XYLT1: variants seen among roughly 807,000 people sequenced by gnomAD.
XYLT1 encodes beta-D-xylosyltransferase 1.
A neutral mutation model predicts 91.3 loss-of-function variants in XYLT1; 36 were observed. The observed-to-expected ratio is 0.39, with a 90% confidence interval of 0.30 to 0.52. The LOEUF is 0.52. XYLT1 is among the 20% of genes least tolerant of loss of function. The probability of loss-of-function intolerance (pLI) is 0.68; values close to 1 mark genes in which losing one functional copy is unlikely to be tolerated. For synonymous variants in XYLT1, 588 were observed against 532.0 expected (o/e 1.11, Z -1.45); for missense variants, 1,242 against 1,284.5 (o/e 0.97, Z 0.51).
intron 1 of XYLT1, among the ~76,000 whole-genome samples, chr16:17,422,495 G>A (rs938233062): frequency 1.3e-5 from 2 of 151,270 alleles, no homozygotes; most frequent in Non-Finnish European, 2.9e-5. Context: ...CACTGTGCCT[G>A]GCCCACAAAT....
intron 2 of XYLT1, among the ~76,000 whole-genome samples, chr16:17,281,220 G>C (rs144851843): frequency 3.2e-4 from 49 of 152,302 alleles, no homozygotes; most frequent in African/African-American, 1.1e-3. Context: ...GCAGGCATCA[G>C]AGCCCCAGTG....
rs142769949 is a variant in XYLT1, at chr16:17,176,548, G to A, written c.1290-17639C>T. 2.6e-5 allele frequency among the ~76,000 whole-genome samples: 4 copies of A among 152,356 alleles called. No homozygotes were observed. In the East Asian group the frequency reaches 7.7e-4, roughly 29 times the overall value. On this transcript the variant is annotated intron_variant, in intron 5 of 11. Transcript: ENST00000261381. The stretch of plus-strand genomic sequence containing the variant: ...TTCAACCGCTTTGCTGCACTGGCCT[G>A]AGGGCCTGAGCCCTGGAAAATTCCT...
chr16:17,264,346 T>C (rs544421964), intron 2 of XYLT1, among the ~76,000 whole-genome samples: 12 of 152,368 alleles, frequency 7.9e-5, no homozygotes, highest in African/African-American at 2.6e-4. Flanking sequence ...CTTCTGTGAC[T>C]GGTTTCTTTC....
chr16:17,228,249 G>A (rs1374085776), intron 3 of XYLT1, among the ~76,000 whole-genome samples: 2 of 152,160 alleles, frequency 1.3e-5, no homozygotes, highest in Non-Finnish European at 2.9e-5. Context: ...AGGCATTCCC[G>A]ATTGACAGGA....
At chr16:17,134,425 C>G (rs778991669) in intron 9 of XYLT1, 48 bp downstream of exon 9, 3 of 1,603,336 alleles carry the variant, frequency 1.9e-6, no homozygotes, top group African/African-American at 1.3e-5. Context: ...CCCTGAGCCT[C>G]CCCTCCTGCT....
rs576946625 is a variant in XYLT1, at chr16:17,449,416, C to T, written c.363+21018G>A. Among the ~76,000 whole-genome samples the T allele has an allele frequency of 4.6e-5, 7 of 152,330 alleles. No individual in the cohort carries two copies. The East Asian group carries it at 5.8e-4, about 13-fold the overall frequency. Reference sequence around the variant, plus strand: ...CTGTGGACACTTCCCCTATGGGCTGCGGGGACGGGGCAGGCCCAGCACCTG... The same window carrying T: ...CTGTGGACACTTCCCCTATGGGCTGTGGGGACGGGGCAGGCCCAGCACCTG... On this transcript the variant is annotated intron_variant, in intron 1 of 11. Transcript: ENST00000261381.
chr16:17,205,604 A>T (rs1364203222), intron 3 of XYLT1, among the ~76,000 whole-genome samples: 1 of 152,210 alleles, frequency 6.6e-6, no homozygotes, highest in East Asian at 1.9e-4. Flanking sequence ...ATACTGTCAT[A>T]GCCATCATTT....
At chr16:17,258,479 AAAG>A (rs1477092314) in intron 3 of XYLT1, among the ~76,000 whole-genome samples, 2 of 152,030 alleles carry the variant, frequency 1.3e-5, no homozygotes, top group African/African-American at 2.4e-5. Flanking sequence ...AATGAGAAGG[AAAG>A]AAGGAGGGAA....
chr16:17,299,787 G>A (rs978756099), intron 2 of XYLT1, among the ~76,000 whole-genome samples: 22 of 152,148 alleles, frequency 1.4e-4, no homozygotes, highest in African/African-American at 5.3e-4. Flanking sequence ...AGACTGGTTC[G>A]AGTTCTTAGA....
intron 3 of XYLT1, among the ~76,000 whole-genome samples, chr16:17,217,240 C>G (rs2032877553): frequency 6.6e-6 from 1 of 152,146 alleles, no homozygotes; most frequent in Non-Finnish European, 1.5e-5. Context: ...TGGGAGAAAA[C>G]CAAGGAGGAC....
At chr16:17,251,526 C>G (rs2033538015) in intron 3 of XYLT1, 1 of 152,204 alleles carries the variant, frequency 6.6e-6, no homozygotes, top group Non-Finnish European at 1.5e-5. Context: ...CCAGACCCAG[C>G]AAAGGGGAAG....
intron 3 of XYLT1, among the ~76,000 whole-genome samples, chr16:17,249,401 AG>A (rs2033499539): frequency 6.6e-6 from 1 of 152,210 alleles, no homozygotes; most frequent in Non-Finnish European, 1.5e-5. Context: ...GGCAAGACTG[AG>A]GATTATGATG....
chr16:17,142,911 A>C (rs1413196310), intron 6 of XYLT1, among the ~76,000 whole-genome samples: 2 of 152,170 alleles, frequency 1.3e-5, no homozygotes, highest in African/African-American at 4.8e-5. Flanking sequence ...TTCAGTTAGA[A>C]TTCCATTAAA....
chr16:17,220,937 A>G (rs952802074), intron 3 of XYLT1, among the ~76,000 whole-genome samples: 2 of 152,200 alleles, frequency 1.3e-5, no homozygotes, highest in Admixed American at 6.5e-5. Flanking sequence ...TTGGAGGTAC[A>G]TGAAAATGTG....
chr16:17,133,237 C>T (rs146485837), intron 9 of XYLT1, among the ~76,000 whole-genome samples: 1 of 152,140 alleles, frequency 6.6e-6, no homozygotes, highest in African/African-American at 2.4e-5. Context: ...GGAAACCTGC[C>T]TGTGTTTTCA....
At chr16:17,180,555 A>G (rs2032045396) in intron 5 of XYLT1, among the ~76,000 whole-genome samples, 1 of 152,216 alleles carries the variant, frequency 6.6e-6, no homozygotes, top group African/African-American at 2.4e-5. Flanking sequence ...TGGAGGAGAA[A>G]GGACATAGGA....
At chr16:17,160,063 G>A (rs554404263) in intron 5 of XYLT1, among the ~76,000 whole-genome samples, 5 of 152,364 alleles carry the variant, frequency 3.3e-5, no homozygotes, top group African/African-American at 1.2e-4. Flanking sequence ...AGACCTTCGA[G>A]AAGCAGGACA....
chr16:17,140,518 G>A (rs2030937185), intron 7 of XYLT1, among the ~76,000 whole-genome samples: 1 of 151,960 alleles, frequency 6.6e-6, no homozygotes, highest in Admixed American at 6.6e-5. Flanking sequence ...AAAATTAGCT[G>A]GGTGTGGTGG....
At chr16:17,214,301 A>C (rs2032815567) in intron 3 of XYLT1, among the ~76,000 whole-genome samples, 1 of 152,224 alleles carries the variant, frequency 6.6e-6, no homozygotes, top group Non-Finnish European at 1.5e-5. Flanking sequence ...CTCTTCCCCC[A>C]TTAACTCTGG....
Sources: allele counts gnomAD v4.1 joint callset (sites outside exome capture counted in the v4.1 genomes callset), GRCh38; gene constraint gnomAD v4.1.1; transcripts MANE v1.5; gene names NCBI Gene and HGNC (gene_info 2026-07-23, HGNC 2026-07-21).